FIGN: variants seen among roughly 807,000 people sequenced by gnomAD.
The protein encoded by FIGN is fidgetin, microtubule severing factor.
In FIGN, 11 loss-of-function variants were observed where a neutral mutation model predicts 51.3. That is an observed-to-expected ratio of 0.21 (90% CI 0.13 to 0.35). The LOEUF (loss-of-function observed/expected upper bound fraction) is 0.35, where lower values mean the gene tolerates loss of function less well. Among genes scored for constraint, FIGN ranks in the 10% least tolerant of loss-of-function variants. The pLI, the probability that FIGN is intolerant of heterozygous loss-of-function variation, is 1.00. For synonymous variants in FIGN, 407 were observed against 363.2 expected, an observed-to-expected ratio of 1.12 and a Z score of -1.37; for missense variants, 857 against 943.6, an observed-to-expected ratio of 0.91 and a Z score of 1.20.
chr2:163,733,622 A>G (rs919339824), intron 2 of FIGN, among the ~76,000 whole-genome samples: 2 of 152,240 alleles, frequency 1.3e-5, no homozygotes, highest in Non-Finnish European at 2.9e-5. Flanking sequence ...TGCATCTAAA[A>G]TAAACAGTCT....
intron 2 of FIGN, among the ~76,000 whole-genome samples, chr2:163,701,044 TAA>T (rs1684400660): frequency 6.6e-6 from 1 of 152,180 alleles, no homozygotes; most frequent in Non-Finnish European, 1.5e-5. Context: ...TATCTCTATA[TAA>T]AGATACACAT....
At chr2:163,630,023 T>C (rs919522494) in intron 2 of FIGN, among the ~76,000 whole-genome samples, 5 of 142,654 alleles carry the variant, frequency 3.5e-5, no homozygotes, top group African/African-American at 1.3e-4. Flanking sequence ...TGCAGTGGTA[T>C]AATCTTGGCT....
chr2:163,725,928 A>C (rs1684832045), intron 2 of FIGN, among the ~76,000 whole-genome samples: 1 of 152,114 alleles, frequency 6.6e-6, no homozygotes, highest in Non-Finnish European at 1.5e-5. Flanking sequence ...CTTTCTAAAG[A>C]GATACCAGCT....
At chr2:163,735,333 G>A (rs1215500041) in intron 1 of FIGN, among the ~76,000 whole-genome samples, 1 of 152,066 alleles carries the variant, frequency 6.6e-6, no homozygotes, top group Non-Finnish European at 1.5e-5. Flanking sequence ...CCTAGATGAT[G>A]TGCTTACATT....
chr2:163,703,336 G>C (rs1358546730), intron 2 of FIGN, among the ~76,000 whole-genome samples: 1 of 152,040 alleles, frequency 6.6e-6, no homozygotes, highest in African/African-American at 2.4e-5. Flanking sequence ...TGATTTCTAA[G>C]CATATTTCCT....
rs529187169 is a variant in FIGN, at chr2:163,668,857, C to T, written c.26-57051G>A. 4.8e-3 allele frequency among the ~76,000 whole-genome samples: 724 copies of T among 151,946 alleles called. 7 individuals are homozygous for T. The highest frequency in any genetic ancestry group is 0.017 in the African/African-American group (695 of 41,442). ...TCGGGAGGCTGAGGTGGGAGAATGG[C>T]GTGAACCCGGGAGGCGGAGCTTGCA... On this transcript the variant is annotated intron_variant, in intron 2 of 2. Coordinates refer to ENST00000333129, the MANE Select transcript of FIGN (RefSeq NM_018086.4).
intron 2 of FIGN, among the ~76,000 whole-genome samples, chr2:163,626,552 G>C (rs1239012103): frequency 6.6e-6 from 1 of 152,088 alleles, no homozygotes; most frequent in Non-Finnish European, 1.5e-5. Flanking sequence ...AATCATTTTG[G>C]TGGGTTTTAA....
At chr2:163,640,017 T>A (rs538643802) in intron 2 of FIGN, among the ~76,000 whole-genome samples, 1 of 152,176 alleles carries the variant, frequency 6.6e-6, no homozygotes, top group Non-Finnish European at 1.5e-5. Flanking sequence ...ATTACCCTCA[T>A]GAAAAACATT....
At position 163,614,720 on chromosome 2, in the gene FIGN, C is replaced by T. The variant is rs1223936535; in HGVS notation, c.26-2914G>A. Among the ~76,000 whole-genome samples the T allele has an allele frequency of 2.6e-5, 4 of 152,084 alleles. No individual in the cohort carries two copies. The East Asian group carries it at 7.7e-4, about 29-fold the overall frequency. The stretch of plus-strand genomic sequence containing the variant: ...CATAAGTTAAAGGACGGCTTCCTTT[C>T]AGTTTGCTGAGCTAAGCCATTGTTA... On this transcript the variant is annotated intron_variant, in intron 2 of 2. Coordinates refer to ENST00000333129, the MANE Select transcript of FIGN (RefSeq NM_018086.4).
chr2:163,713,077 T>C (rs1420186562), intron 2 of FIGN, among the ~76,000 whole-genome samples: 1 of 152,188 alleles, frequency 6.6e-6, no homozygotes, highest in Non-Finnish European at 1.5e-5. Context: ...AGAAGATTTG[T>C]TTATTTTGTT....
intron 2 of FIGN, among the ~76,000 whole-genome samples, chr2:163,649,635 T>G (rs1683439309): frequency 6.6e-6 from 1 of 152,140 alleles, no homozygotes; most frequent in Non-Finnish European, 1.5e-5. Flanking sequence ...AACGTCATCT[T>G]GAGGAATTGC....
At chr2:163,701,096 A>T (rs1025586751) in intron 2 of FIGN, among the ~76,000 whole-genome samples, 2 of 152,186 alleles carry the variant, frequency 1.3e-5, no homozygotes, top group Non-Finnish European at 2.9e-5. Context: ...TATCTCCCTA[A>T]TAAATTGCAA....
Position 163,610,270 on chromosome 2 carries a change from C to A in FIGN, c.1562G>T (p.Ser521Ile). Reference sequence around the variant, plus strand: ...CCCCCGAGGTCCAAATAAAAGGATGCTCCGAGGTAAGGCCGTCAGTCCACT... The same window carrying A: ...CCCCCGAGGTCCAAATAAAAGGATGATCCGAGGTAAGGCCGTCAGTCCACT... ...AFSGLTALPR[S>I]ILLFGPRGTG... Residue 521 changes from serine to isoleucine, a missense_variant, in exon 3 of 3, where the codon AGC becomes ATC. Ser to Ile is a moderately radical substitution (Grantham distance 142, BLOSUM62 -2). Coordinates refer to ENST00000333129, the MANE Select transcript of FIGN (RefSeq NM_018086.4). 6.2e-7 allele frequency: 1 copy of A among 1,614,122 alleles called. No individual in the cohort carries two copies. The highest frequency in any genetic ancestry group is 8.5e-7 in the Non-Finnish European group (1 of 1,180,028).
chr2:163,677,748 T>C (rs1455493143), intron 2 of FIGN, among the ~76,000 whole-genome samples: 1 of 152,228 alleles, frequency 6.6e-6, no homozygotes, highest in Non-Finnish European at 1.5e-5. Context: ...GAAAGCCTTT[T>C]GAAACAATTT....
intron 2 of FIGN, among the ~76,000 whole-genome samples, chr2:163,705,404 A>G (rs1684484003): frequency 6.6e-6 from 1 of 152,120 alleles, no homozygotes; most frequent in African/African-American, 2.4e-5. Flanking sequence ...GCTGAAAGAG[A>G]ATTTAGAAAT....
chr2:163,672,357 T>C (rs999237786), intron 2 of FIGN, among the ~76,000 whole-genome samples: 4 of 152,142 alleles, frequency 2.6e-5, no homozygotes, highest in Non-Finnish European at 5.9e-5. Flanking sequence ...CTCTATGATA[T>C]AAGCTTCAGA....
intron 2 of FIGN, among the ~76,000 whole-genome samples, chr2:163,617,854 G>A (rs2105303609): frequency 6.6e-6 from 1 of 152,224 alleles, no homozygotes; most frequent in South Asian, 2.1e-4. Flanking sequence ...AATATTTTGT[G>A]AAACTATTTC....
intron 2 of FIGN, among the ~76,000 whole-genome samples, chr2:163,680,051 A>G (rs1052192289): frequency 1.6e-4 from 25 of 152,194 alleles, no homozygotes; most frequent in African/African-American, 6.0e-4. Flanking sequence ...TGATTGCACT[A>G]CGCACTGCCT....
chr2:163,666,688 A>G (rs1199538647), intron 2 of FIGN, among the ~76,000 whole-genome samples: 1 of 152,168 alleles, frequency 6.6e-6, no homozygotes, highest in Non-Finnish European at 1.5e-5. Context: ...CCCAAGAACC[A>G]TGTCTTGTGG....
Sources: gnomAD v4.1 joint callset for allele counts (sites outside exome capture counted in the v4.1 genomes callset) on GRCh38, gnomAD v4.1.1 for gene constraint, MANE v1.5 for transcripts, NCBI Gene and HGNC (gene_info 2026-07-23, HGNC 2026-07-21) for gene names.